Variants in CCDC60 observed in about 807,000 individuals in gnomAD.
The protein encoded by CCDC60 is coiled-coil domain containing 60, also known as coiled-coil domain-containing protein 60.
In CCDC60, 54 loss-of-function variants were observed where a neutral mutation model predicts 63.5. The ratio of observed to expected loss-of-function variants is 0.85; its 90% confidence interval spans 0.68 to 1.07. CCDC60 has a LOEUF of 1.07. Ranked by LOEUF, CCDC60 falls within the 50% of genes least tolerant of loss-of-function variation. CCDC60 has a pLI of 0.00. For missense variants in CCDC60, 651 were observed against 684.3 expected (o/e 0.95, Z 0.54); for synonymous variants, 206 against 238.8 (o/e 0.86, Z 1.27).
chr12:119,436,146 C>T (rs888629002), intron 2 of CCDC60, among the ~76,000 whole-genome samples: 1 of 152,186 alleles, frequency 6.6e-6, no homozygotes, highest in African/African-American at 2.4e-5. Flanking sequence ...TTCTACTTCT[C>T]AGCGGGAACA....
intron 1 of CCDC60, among the ~76,000 whole-genome samples, chr12:119,363,730 T>C (rs967095958): frequency 8.5e-5 from 13 of 152,186 alleles, no homozygotes; most frequent in African/African-American, 2.9e-4. Context: ...TTAGTATTTC[T>C]TGTAGTGCAG....
intron 2 of CCDC60, among the ~76,000 whole-genome samples, chr12:119,466,028 G>A (rs1036790397): frequency 3.9e-5 from 6 of 152,134 alleles, no homozygotes; most frequent in African/African-American, 7.2e-5. Context: ...GTTTAAAATC[G>A]TACTTGCTCA....
At position 119,433,055 on chromosome 12, in the gene CCDC60, T is replaced by A. The variant is rs55900000; in HGVS notation, c.170+4293T>A. 6.3e-3 allele frequency among the ~76,000 whole-genome samples: 961 copies of A among 152,300 alleles called. 12 individuals are homozygous for A. The highest frequency in any genetic ancestry group is 0.022 in the African/African-American group (909 of 41,564). On this transcript the variant is annotated intron_variant, in intron 2 of 13. Coordinates refer to ENST00000327554, the MANE Select transcript of CCDC60 (RefSeq NM_178499.5). ...CTCTGTGTTCACTGACGTCACCACTTTGGTAGCTCGAAAGCAACTGGTGGG... is the reference window on the plus strand; with the variant it reads ...CTCTGTGTTCACTGACGTCACCACTATGGTAGCTCGAAAGCAACTGGTGGG...
intron 1 of CCDC60, among the ~76,000 whole-genome samples, chr12:119,405,857 G>C (rs574374689): frequency 7.0e-4 from 106 of 152,000 alleles, no homozygotes; most frequent in Non-Finnish European, 1.1e-3. Context: ...AGCTCCCCTA[G>C]TGGTTAATTC....
At chr12:119,407,724 C>T (rs1956519617) in intron 1 of CCDC60, among the ~76,000 whole-genome samples, 1 of 152,168 alleles carries the variant, frequency 6.6e-6, no homozygotes, top group South Asian at 2.1e-4. Flanking sequence ...TCACTCTGCC[C>T]CTCCATGCCT....
intron 2 of CCDC60, among the ~76,000 whole-genome samples, chr12:119,455,429 C>T (rs1311230215): frequency 6.6e-6 from 1 of 152,168 alleles, no homozygotes; most frequent in African/African-American, 2.4e-5. Context: ...TGTGGGTGCA[C>T]TTGACCTAGC....
chr12:119,518,056 C>T (rs949828839), intron 8 of CCDC60, among the ~76,000 whole-genome samples: 33 of 152,174 alleles, frequency 2.2e-4, no homozygotes, highest in Non-Finnish European at 3.7e-4. Flanking sequence ...TCACTGCGCA[C>T]TTTCACATGC....
At chr12:119,388,859 A>G (rs921163681) in intron 1 of CCDC60, among the ~76,000 whole-genome samples, 7 of 151,418 alleles carry the variant, frequency 4.6e-5, no homozygotes, top group Admixed American at 3.3e-4. Flanking sequence ...AAAAGTTCCT[A>G]GACAGATGTT....
At chr12:119,404,539 T>A (rs1956451937) in intron 1 of CCDC60, among the ~76,000 whole-genome samples, 1 of 152,192 alleles carries the variant, frequency 6.6e-6, no homozygotes, top group South Asian at 2.1e-4. Flanking sequence ...CAGGAAGACC[T>A]TTTTGAATGG....
intron 1 of CCDC60, among the ~76,000 whole-genome samples, chr12:119,422,187 C>T (rs1011179834): frequency 3.3e-5 from 5 of 152,138 alleles, no homozygotes; most frequent in African/African-American, 1.2e-4. Context: ...CTCTGCAGAG[C>T]AATGGAAACA....
At chr12:119,470,038 T>C (rs1044229734) in intron 2 of CCDC60, among the ~76,000 whole-genome samples, 8 of 152,320 alleles carry the variant, frequency 5.3e-5, no homozygotes, top group African/African-American at 1.9e-4. Context: ...CCTGCCTGCA[T>C]TGTCAGCTTT....
chr12:119,426,641 G>A (rs1956906940), intron 1 of CCDC60, among the ~76,000 whole-genome samples: 1 of 152,144 alleles, frequency 6.6e-6, no homozygotes, highest in Admixed American at 6.5e-5. Flanking sequence ...TTACGGACAT[G>A]AGCCACTGCG....
At chr12:119,346,073 C>G (rs1955590047) in intron 1 of CCDC60, among the ~76,000 whole-genome samples, 1 of 151,204 alleles carries the variant, frequency 6.6e-6, no homozygotes, top group African/African-American at 2.4e-5. Flanking sequence ...GATCTACCCA[C>G]CTCGGCCTCC....
intron 4 of CCDC60, among the ~76,000 whole-genome samples, chr12:119,480,709 CT>C (rs1204597317): frequency 8.4e-6 from 1 of 118,848 alleles, no homozygotes; most frequent in Non-Finnish European, 1.7e-5. Context: ...CACCATCATC[CT>C]CACCACCACC....
intron 3 of CCDC60, 96 bp downstream of exon 3, chr12:119,472,260 G>A: frequency 8.7e-7 from 1 of 1,153,944 alleles, no homozygotes. Context: ...AGCTATCTCA[G>A]AGCACGTGCC....
At position 119,410,565 on chromosome 12, in the gene CCDC60, T is replaced by TAC. The variant is rs143235517; in HGVS notation, c.91-18104_91-18103dup. On this transcript the variant is annotated intron_variant, in intron 1 of 13. Transcript: ENST00000327554. The surrounding 1 kb of genome is among the most constrained non-coding windows in gnomAD (Gnocchi z 4.0). ...GAAAACCTTCATCACCACACCCCAA[T>TAC]ACACACACACACACAGGCACACACA... 8.0e-5 allele frequency among the ~76,000 whole-genome samples: 12 copies of TAC among 149,994 alleles called. No homozygotes were observed. The South Asian group carries it at 8.5e-4, about 11-fold the overall frequency.
chr12:119,459,726 C>T (rs992512681), intron 2 of CCDC60, among the ~76,000 whole-genome samples: 1 of 152,168 alleles, frequency 6.6e-6, no homozygotes, highest in African/African-American at 2.4e-5. Context: ...TGCCCCCCAA[C>T]CAGGAACTGA....
At chr12:119,533,176 G>A (rs971920228) in intron 13 of CCDC60, among the ~76,000 whole-genome samples, 3 of 152,192 alleles carry the variant, frequency 2.0e-5, no homozygotes, top group African/African-American at 7.2e-5. Flanking sequence ...CAGTGATGAT[G>A]AGCCTTTTTT....
chr12:119,458,170 A>G (rs1226558337), intron 2 of CCDC60, among the ~76,000 whole-genome samples: 1 of 152,252 alleles, frequency 6.6e-6, no homozygotes, highest in Non-Finnish European at 1.5e-5. Flanking sequence ...CCAATTGGGA[A>G]TAAACTGATT....
Sources: allele counts gnomAD v4.1 joint callset (sites outside exome capture counted in the v4.1 genomes callset), GRCh38; gene constraint gnomAD v4.1.1; non-coding constraint Gnocchi (gnomAD v3.1); transcripts MANE v1.5; gene names NCBI Gene and HGNC (gene_info 2026-07-23, HGNC 2026-07-21).